The following AKAP6 variants were observed in gnomAD, a reference collection of about 807,000 sequenced individuals.
AKAP6 encodes the protein A-kinase anchor protein 6.
In AKAP6, 58 loss-of-function variants were observed where a neutral mutation model predicts 188.5. The observed-to-expected ratio is 0.31, with a 90% CI of 0.25 to 0.38. AKAP6 has a LOEUF of 0.38. AKAP6 is among the 10% of genes least tolerant of loss of function. AKAP6 has a pLI of 1.00. For synonymous variants in AKAP6, 989 were observed against 998.6 expected, an observed-to-expected ratio of 0.99 and a Z score of 0.18; for missense variants, 2,710 against 2,740.0, an observed-to-expected ratio of 0.99 and a Z score of 0.24.
intron 7 of AKAP6, among the ~76,000 whole-genome samples, chr14:32,661,983 A>G (rs12895513): frequency 0.27 from 41,757 of 151,844 alleles, 6,034 homozygotes; most frequent in South Asian, 0.37. Context: ...CAAGCAGAAT[A>G]TGACTCTCAA....
intron 1 of AKAP6, among the ~76,000 whole-genome samples, chr14:32,365,028 C>G (rs546528703): frequency 1.3e-3 from 195 of 152,272 alleles, no homozygotes; most frequent in South Asian, 5.6e-3. Flanking sequence ...CTCAAGGAGT[C>G]TAAGCTGTGT....
chr14:32,345,507 G>T (rs1887038066), intron 1 of AKAP6, among the ~76,000 whole-genome samples: 1 of 152,178 alleles, frequency 6.6e-6, no homozygotes, highest in Admixed American at 6.5e-5. Context: ...ACATGTTTGG[G>T]CATGTCTGCT....
At chr14:32,405,845 T>C (rs1370551067) in intron 1 of AKAP6, among the ~76,000 whole-genome samples, 2 of 152,210 alleles carry the variant, frequency 1.3e-5, no homozygotes, top group Non-Finnish European at 2.9e-5. Context: ...TGCAGAACTG[T>C]GATGAGATTA....
intron 12 of AKAP6, among the ~76,000 whole-genome samples, chr14:32,795,659 T>A (rs759771747): frequency 1.4e-4 from 21 of 152,056 alleles, no homozygotes; most frequent in Admixed American, 5.9e-4. Flanking sequence ...TAAGAGCCAT[T>A]TATGACAAAT....
chr14:32,824,854 T>C (rs1354442164), intron 13 of AKAP6, 39 bp downstream of exon 13: 8 of 1,493,808 alleles, frequency 5.4e-6, no homozygotes, highest in Non-Finnish European at 7.2e-6. Context: ...ATTTAAAATA[T>C]TGAGTTCAGG....
chr14:32,712,483 G>C (rs1223407125), intron 9 of AKAP6, among the ~76,000 whole-genome samples: 1 of 152,020 alleles, frequency 6.6e-6, no homozygotes, highest in Non-Finnish European at 1.5e-5. Flanking sequence ...CCGTTTGATA[G>C]CATTTTACCC....
intron 1 of AKAP6, chr14:32,417,890 G>C (rs1889714704): frequency 6.6e-6 from 1 of 152,080 alleles, no homozygotes; most frequent in African/African-American, 2.4e-5. Flanking sequence ...AAATATTCTA[G>C]ATTATTCATT....
intron 9 of AKAP6, among the ~76,000 whole-genome samples, chr14:32,711,167 A>T (rs1006175960): frequency 6.6e-6 from 1 of 152,056 alleles, no homozygotes; most frequent in Non-Finnish European, 1.5e-5. Context: ...GTTGATTATG[A>T]TCCTCTTGCC....
intron 1 of AKAP6, among the ~76,000 whole-genome samples, chr14:32,404,119 A>T (rs1418843381): frequency 6.6e-6 from 1 of 152,154 alleles, no homozygotes; most frequent in African/African-American, 2.4e-5. Flanking sequence ...TTTGAAAAAT[A>T]TTAACAAAAA....
chr14:32,498,346 T>TC (rs1334219080), intron 2 of AKAP6, among the ~76,000 whole-genome samples: 2 of 151,508 alleles, frequency 1.3e-5, no homozygotes. Context: ...GGAGCCATTT[T>TC]TTTCCAGTCA....
At chr14:32,756,563 T>C (rs1189306348) in intron 11 of AKAP6, among the ~76,000 whole-genome samples, 1 of 152,036 alleles carries the variant, frequency 6.6e-6, no homozygotes, top group Admixed American at 6.5e-5. Context: ...CCATGGGTTC[T>C]AGCCTGGTAC....
At chr14:32,376,894 G>A (rs1277918787) in intron 1 of AKAP6, among the ~76,000 whole-genome samples, 3 of 152,004 alleles carry the variant, frequency 2.0e-5, no homozygotes, top group Non-Finnish European at 4.4e-5. Flanking sequence ...ATGGGGTTTC[G>A]CCATGTTGGC....
At chr14:32,781,532 A>C (rs1437774155) in intron 12 of AKAP6, among the ~76,000 whole-genome samples, 1 of 152,126 alleles carries the variant, frequency 6.6e-6, no homozygotes, top group Non-Finnish European at 1.5e-5. Flanking sequence ...GTTGTCCAGA[A>C]ATTGAAAAGG....
intron 2 of AKAP6, among the ~76,000 whole-genome samples, chr14:32,471,364 T>C (rs1878770267): frequency 6.6e-6 from 1 of 152,198 alleles, no homozygotes; most frequent in African/African-American, 2.4e-5. Flanking sequence ...ATAGTAGAAG[T>C]CATCTGATCC....
At chr14:32,698,234 T>C (rs577341486) in intron 9 of AKAP6, among the ~76,000 whole-genome samples, 1 of 152,238 alleles carries the variant, frequency 6.6e-6, no homozygotes, top group African/African-American at 2.4e-5. Context: ...TCATGTCTTC[T>C]CAAGAATCCT....
intron 1 of AKAP6, among the ~76,000 whole-genome samples, chr14:32,432,697 T>C (rs998261737): frequency 9.2e-5 from 14 of 152,206 alleles, no homozygotes; most frequent in African/African-American, 3.4e-4. Flanking sequence ...GATTAGAACA[T>C]CTTCCCACGT....
chr14:32,564,134 T>G (rs1011974722), intron 4 of AKAP6, among the ~76,000 whole-genome samples: 8 of 152,176 alleles, frequency 5.3e-5, no homozygotes, highest in African/African-American at 1.9e-4. Context: ...ATGTAAATGC[T>G]ATGTAGATAG....
chr14:32,447,914 A>G lies in AKAP6; in HGVS notation c.324+14097A>G, dbSNP rs183891356. On this transcript the variant is annotated intron_variant, in intron 2 of 13. Coordinates refer to ENST00000280979, the MANE Select transcript of AKAP6 (RefSeq NM_004274.5). ...CACCGACATATTTAAATCAGTTACA[A>G]ATCTACCCATGCACATTGCTTTTTC... Among the ~76,000 whole-genome samples, 24 of 152,320 alleles carry G rather than the reference A, an allele frequency of 1.6e-4. No individual in the cohort carries two copies. In the East Asian group the frequency reaches 2.7e-3, roughly 17 times the overall value.
chr14:32,711,123 T>G (rs1023823855), intron 9 of AKAP6, among the ~76,000 whole-genome samples: 1 of 152,052 alleles, frequency 6.6e-6, no homozygotes, highest in Non-Finnish European at 1.5e-5. Flanking sequence ...GTTTCCCAAT[T>G]CAATTTTCTA....
Sources: gnomAD v4.1 joint callset for allele counts (sites outside exome capture counted in the v4.1 genomes callset) on GRCh38, gnomAD v4.1.1 for gene constraint, MANE v1.5 for transcripts, NCBI Gene and HGNC (gene_info 2026-07-23, HGNC 2026-07-21) for gene names.